GABRB3: variants seen among roughly 807,000 people sequenced by gnomAD.
The protein encoded by GABRB3 is gamma-aminobutyric acid receptor subunit beta-3.
GABRB3 carries 14 observed loss-of-function variants against 52.1 expected under a neutral mutation model. The observed-to-expected ratio is 0.27, with a 90% CI of 0.18 to 0.42. The LOEUF (loss-of-function observed/expected upper bound fraction) is 0.42. Among genes scored for constraint, GABRB3 ranks in the 10% least tolerant of loss-of-function variants. The pLI, the probability that GABRB3 is intolerant of heterozygous loss-of-function variation, is 1.00. For synonymous variants in GABRB3, 260 were observed against 232.3 expected (o/e 1.12, Z -1.08); for missense variants, 307 against 609.1 (o/e 0.50, Z 5.22).
intron 3 of GABRB3, among the ~76,000 whole-genome samples, chr15:26,735,995 T>C (rs1890056012): frequency 6.6e-6 from 1 of 150,786 alleles, no homozygotes; most frequent in African/African-American, 2.4e-5. Context: ...ACACATATCC[T>C]ATATAATTCC....
intron 4 of GABRB3, among the ~76,000 whole-genome samples, chr15:26,583,899 C>T (rs544190955): frequency 1.8e-4 from 28 of 151,948 alleles, no homozygotes; most frequent in South Asian, 6.2e-4. Flanking sequence ...CTCAGCCTCC[C>T]GAGTAGCTGG....
chr15:26,581,868 C>G (rs117323831), intron 5 of GABRB3, among the ~76,000 whole-genome samples: 3,350 of 152,322 alleles, frequency 0.022, 68 homozygotes, highest in Non-Finnish European at 0.028. Flanking sequence ...GGCTTCCTGT[C>G]TTTTGTGGAT....
chr15:26,581,157 G>T, intron 5 of GABRB3: 1 of 159,820 alleles, frequency 6.3e-6, no homozygotes, highest in Admixed American at 5.8e-5. Context: ...GGCTTCTTGA[G>T]GATGAGTAAG....
chr15:26,698,664 G>A (rs1366497082), intron 3 of GABRB3, among the ~76,000 whole-genome samples: 1 of 152,206 alleles, frequency 6.6e-6, no homozygotes, highest in Non-Finnish European at 1.5e-5. Context: ...GAGAGGGTCT[G>A]ATGGGAGATG....
intron 3 of GABRB3, among the ~76,000 whole-genome samples, chr15:26,710,647 C>T (rs1043996735): frequency 2.6e-5 from 4 of 152,186 alleles, no homozygotes; most frequent in South Asian, 2.1e-4. Context: ...TCCAGAGTGT[C>T]TACCATTTTA....
intron 3 of GABRB3, among the ~76,000 whole-genome samples, chr15:26,701,266 G>GA (rs200134363): frequency 6.6e-6 from 1 of 151,920 alleles, no homozygotes; most frequent in Non-Finnish European, 1.5e-5. Context: ...AAGTTGGGGG[G>GA]AAAAAAATAG....
intron 8 of GABRB3, among the ~76,000 whole-genome samples, chr15:26,551,373 T>G (rs1357295486): frequency 6.6e-6 from 1 of 152,192 alleles, no homozygotes; most frequent in Admixed American, 6.5e-5. Flanking sequence ...TAGTGGAGTC[T>G]GGAATGGAAA....
chr15:26,747,978 T>TTTG (rs1555381705), intron 3 of GABRB3, among the ~76,000 whole-genome samples: 1 of 68,856 alleles, frequency 1.5e-5, no homozygotes, highest in South Asian at 4.9e-4. Flanking sequence ...TTTTTTTTTT[T>TTTG]GCCTACAATT....
At chr15:26,569,644 A>G (rs1890317687) in intron 6 of GABRB3, among the ~76,000 whole-genome samples, 1 of 152,248 alleles carries the variant, frequency 6.6e-6, no homozygotes, top group African/African-American at 2.4e-5. Context: ...GAGGATGAAT[A>G]TGCCAAAGGA....
chr15:26,772,894 G>A lies in GABRB3; in HGVS notation c.69C>T (p.Cys23=). 6.7e-7 allele frequency: 1 copy of A among 1,494,812 alleles called. No individual in the cohort carries two copies. The highest frequency in any genetic ancestry group is 1.3e-5 in the South Asian group (1 of 79,174). The allele number at this position is 1,494,812 out of a possible 1,614,324, so 92.6% of individuals were successfully genotyped here. ...FSAPVLVAVV[C]CAQSVNDPGN... ...ACCCGCGACCCTACCTCTGGGCGCA[G>A]CACACCACAGCCACCAGCACCGGGG... The change falls in exon 1 of 9, where the codon TGC becomes TGT. Residue 23 remains cysteine (C), a synonymous_variant. Coordinates refer to ENST00000311550, the MANE Select transcript of GABRB3 (RefSeq NM_000814.6).
At chr15:26,665,907 T>G (rs537598972) in intron 3 of GABRB3, among the ~76,000 whole-genome samples, 1 of 152,244 alleles carries the variant, frequency 6.6e-6, no homozygotes, top group South Asian at 2.1e-4. Flanking sequence ...CAATAAAAAG[T>G]GTGCATTTGT....
At chr15:26,769,268 C>T (rs915532610) in intron 3 of GABRB3, among the ~76,000 whole-genome samples, 2 of 152,148 alleles carry the variant, frequency 1.3e-5, no homozygotes, top group Non-Finnish European at 2.9e-5. Flanking sequence ...ACTACATACA[C>T]GTTTTCAAAA....
chr15:26,713,517 C>A (rs1261325255), intron 3 of GABRB3, among the ~76,000 whole-genome samples: 1 of 152,020 alleles, frequency 6.6e-6, no homozygotes, highest in African/African-American at 2.4e-5. Context: ...GAGGAAGAGG[C>A]TACCGGGATG....
intron 3 of GABRB3, among the ~76,000 whole-genome samples, chr15:26,770,066 A>C (rs1247517722): frequency 1.3e-5 from 2 of 152,218 alleles, no homozygotes; most frequent in African/African-American, 2.4e-5. Context: ...CTAAATATTT[A>C]ACCATTGCTC....
intron 3 of GABRB3, among the ~76,000 whole-genome samples, chr15:26,735,569 G>A (rs534061179): frequency 1.3e-5 from 2 of 152,268 alleles, no homozygotes; most frequent in East Asian, 3.9e-4. Flanking sequence ...ATCTATAGAA[G>A]GGAATATTAG....
intron 3 of GABRB3, among the ~76,000 whole-genome samples, chr15:26,763,666 C>T (rs1595356453): frequency 1.4e-5 from 2 of 145,884 alleles, no homozygotes; most frequent in South Asian, 2.2e-4. Context: ...ACCCAGAAAA[C>T]TTGTTCCTTC....
chr15:26,667,065 T>C (rs2140623238), intron 3 of GABRB3, among the ~76,000 whole-genome samples: 1 of 152,242 alleles, frequency 6.6e-6, no homozygotes, highest in East Asian at 1.9e-4. Context: ...TAACAGGACA[T>C]GGATTGATTG....
intron 3 of GABRB3, among the ~76,000 whole-genome samples, chr15:26,685,418 T>A (rs927910763): frequency 6.6e-6 from 1 of 152,104 alleles, no homozygotes; most frequent in Non-Finnish European, 1.5e-5. Flanking sequence ...AAAGATAGGA[T>A]CCAACTCTAT....
chr15:26,724,660 C>T (rs1889724716), intron 3 of GABRB3, among the ~76,000 whole-genome samples: 1 of 152,152 alleles, frequency 6.6e-6, no homozygotes, highest in Non-Finnish European at 1.5e-5. Flanking sequence ...AAAACTCCAC[C>T]CTCAGATGAT....
Sources: allele counts gnomAD v4.1 joint callset (sites outside exome capture counted in the v4.1 genomes callset), GRCh38; gene constraint gnomAD v4.1.1; transcripts MANE v1.5; gene names NCBI Gene and HGNC (gene_info 2026-07-23, HGNC 2026-07-21).